ATXN1: variants seen among roughly 807,000 people sequenced by gnomAD.
ATXN1 encodes ataxin-1.
In ATXN1, 8 loss-of-function variants were observed where a neutral mutation model predicts 56.4. The observed-to-expected ratio is 0.14, with a 90% CI of 0.08 to 0.26. ATXN1 has a LOEUF of 0.26. Ranked by LOEUF, ATXN1 falls within the 10% of genes least tolerant of loss-of-function variation. The pLI, the probability that ATXN1 is intolerant of heterozygous loss-of-function variation, is 1.00. For missense variants in ATXN1, 987 were observed against 1,106.5 expected (o/e 0.89, Z 1.53); for synonymous variants, 514 against 494.6 (o/e 1.04, Z -0.52).
At chr6:16,584,279 C>CAT (rs112137981) in intron 4 of ATXN1, among the ~76,000 whole-genome samples, 40 of 141,720 alleles carry the variant, frequency 2.8e-4, no homozygotes, top group Middle Eastern at 3.6e-3. Flanking sequence ...CACATATACA[C>CAT]ATATATATAT....
chr6:16,448,993 A>C (rs1335755212), intron 6 of ATXN1, among the ~76,000 whole-genome samples: 1 of 152,222 alleles, frequency 6.6e-6, no homozygotes, highest in East Asian at 1.9e-4. Context: ...TACCCCGTTA[A>C]TCAAATGTAA....
At chr6:16,325,347 A>G (rs959623070) in intron 7 of ATXN1, among the ~76,000 whole-genome samples, 1 of 151,542 alleles carries the variant, frequency 6.6e-6, no homozygotes, top group African/African-American at 2.4e-5. Flanking sequence ...CGAACTCCTG[A>G]CCTCTGGTGA....
chr6:16,379,305 G>A (rs955878397), intron 6 of ATXN1, among the ~76,000 whole-genome samples: 1 of 152,146 alleles, frequency 6.6e-6, no homozygotes, highest in Non-Finnish European at 1.5e-5. Context: ...CAAATATGGT[G>A]CAGTGTATAC....
intron 2 of ATXN1, among the ~76,000 whole-genome samples, chr6:16,690,606 T>C (rs1440812565): frequency 6.6e-6 from 1 of 152,176 alleles, no homozygotes. Flanking sequence ...TTGGAAAATA[T>C]ATTTCCATTT....
chr6:16,596,580 T>G (rs961868561), intron 3 of ATXN1, among the ~76,000 whole-genome samples: 2 of 152,190 alleles, frequency 1.3e-5, no homozygotes, highest in Admixed American at 6.5e-5. Flanking sequence ...TGTTGGGCAT[T>G]TTATCCAGTG....
chr6:16,358,953 C>T (rs987735419), intron 6 of ATXN1, among the ~76,000 whole-genome samples: 19 of 152,268 alleles, frequency 1.2e-4, no homozygotes, highest in African/African-American at 4.1e-4. Context: ...GTTGTCAGGG[C>T]GGGAGCTCCC....
intron 3 of ATXN1, among the ~76,000 whole-genome samples, chr6:16,635,052 T>C (rs905353479): frequency 6.6e-6 from 1 of 152,204 alleles, no homozygotes; most frequent in Non-Finnish European, 1.5e-5. Context: ...TTCATCTGTA[T>C]TTACAGCCAC....
At chr6:16,532,761 A>T (rs534031789) in intron 4 of ATXN1, among the ~76,000 whole-genome samples, 1 of 152,362 alleles carries the variant, frequency 6.6e-6, no homozygotes, top group African/African-American at 2.4e-5. Flanking sequence ...ATGTGGACAA[A>T]TTGGAACTCT....
chr6:16,520,309 G>A (rs1052167633), intron 5 of ATXN1, among the ~76,000 whole-genome samples: 7 of 152,246 alleles, frequency 4.6e-5, no homozygotes, highest in African/African-American at 1.7e-4. Flanking sequence ...AAATACTCAT[G>A]GCTTCTATCT....
At chr6:16,727,301 A>T (rs1759871594) in intron 2 of ATXN1, among the ~76,000 whole-genome samples, 1 of 152,210 alleles carries the variant, frequency 6.6e-6, no homozygotes, top group Admixed American at 6.5e-5. Context: ...ATCCATATAT[A>T]CTAGTAGGTA....
At chr6:16,468,566 G>A (rs952627452) in intron 6 of ATXN1, among the ~76,000 whole-genome samples, 2 of 152,122 alleles carry the variant, frequency 1.3e-5, no homozygotes, top group Admixed American at 6.5e-5. Context: ...AAGCCACTGT[G>A]GGATGAATGA....
At chr6:16,634,236 T>A (rs1051844609) in intron 3 of ATXN1, among the ~76,000 whole-genome samples, 1 of 152,170 alleles carries the variant, frequency 6.6e-6, no homozygotes, top group Non-Finnish European at 1.5e-5. Context: ...AATCAATAGA[T>A]TTAGCATTTA....
At chr6:16,592,803 G>A (rs1318581848) in intron 3 of ATXN1, among the ~76,000 whole-genome samples, 1 of 141,008 alleles carries the variant, frequency 7.1e-6, no homozygotes, top group African/African-American at 2.6e-5. Flanking sequence ...ATCATAAAGA[G>A]TGAAAGAACA....
At chr6:16,571,962 C>T (rs980634417) in intron 4 of ATXN1, among the ~76,000 whole-genome samples, 1 of 152,138 alleles carries the variant, frequency 6.6e-6, no homozygotes, top group African/African-American at 2.4e-5. Flanking sequence ...CACGTTCAGC[C>T]TCTTTCTAAA....
At chr6:16,558,832 CAT>C (rs1561754476) in intron 4 of ATXN1, among the ~76,000 whole-genome samples, 1 of 151,536 alleles carries the variant, frequency 6.6e-6, no homozygotes, top group African/African-American at 2.4e-5. Context: ...ATGAAGAAAA[CAT>C]AAAGTCAAAA....
chr6:16,543,783 G>A (rs1010122272), intron 4 of ATXN1, among the ~76,000 whole-genome samples: 1 of 152,118 alleles, frequency 6.6e-6, no homozygotes, highest in East Asian at 1.9e-4. Context: ...TCTAACCTCT[G>A]GGTTTAGGGC....
chr6:16,712,657 G>T (rs1418687561), intron 2 of ATXN1, among the ~76,000 whole-genome samples: 4 of 151,516 alleles, frequency 2.6e-5, no homozygotes, highest in Admixed American at 6.6e-5. Flanking sequence ...AATCAAATTG[G>T]AAGCTAGGGG....
chr6:16,336,775 T>G (rs1433582100), intron 6 of ATXN1, among the ~76,000 whole-genome samples: 1 of 152,146 alleles, frequency 6.6e-6, no homozygotes, highest in Non-Finnish European at 1.5e-5. Context: ...CAGGGGAATC[T>G]GCCACTACCA....
At position 16,439,432 on chromosome 6, in the gene ATXN1, G is replaced by C. The variant is rs534360772; in HGVS notation, c.-161+46540C>G. Among the ~76,000 whole-genome samples the C allele has an allele frequency of 3.2e-4, 42 of 131,426 alleles. No individual in the cohort carries two copies. In the South Asian group the frequency reaches 3.6e-3, roughly 11 times the overall value. 86.2% of individuals were successfully genotyped at this position (131,426 alleles called of 152,430 possible). A position where few individuals can be genotyped will look rare whatever the true frequency, so the allele number is the denominator to read the frequency against. ...TGCTGACATCAGAATGTGTACCAGA[G>C]TGACTCAGGGGTTTTTTTTCAGCCT... On this transcript the variant is annotated intron_variant, in intron 6 of 7. Coordinates refer to ENST00000436367, the MANE Select transcript of ATXN1 (RefSeq NM_001128164.2).
Sources: gnomAD v4.1 joint callset for allele counts (sites outside exome capture counted in the v4.1 genomes callset) on GRCh38, gnomAD v4.1.1 for gene constraint, MANE v1.5 for transcripts, NCBI Gene and HGNC (gene_info 2026-07-23, HGNC 2026-07-21) for gene names.